Variants in SEPTIN10 observed in about 807,000 individuals in gnomAD.
The protein encoded by SEPTIN10 is septin-10.
A neutral mutation model predicts 54.8 loss-of-function variants in SEPTIN10; 66 were observed. The observed-to-expected ratio is 1.21, with a 90% CI of 0.99 to 1.48. The LOEUF is 1.48. SEPTIN10 is among the 40% of genes most tolerant of loss of function. The probability of loss-of-function intolerance (pLI) is 0.00; values close to 1 mark genes in which losing one functional copy is unlikely to be tolerated. For missense variants in SEPTIN10, 620 were observed against 545.6 expected (o/e 1.14, Z -1.36); for synonymous variants, 161 against 181.0 (o/e 0.89, Z 0.89).
intron 2 of SEPTIN10, among the ~76,000 whole-genome samples, chr2:109,588,409 CAAGT>C (rs1693095847): frequency 6.6e-6 from 1 of 151,752 alleles, no homozygotes; most frequent in Admixed American, 6.6e-5. Context: ...GTTACATGCA[CAAGT>C]AAAATGTATA....
At chr2:109,548,775 CAAAAAAAA>C (rs57096452) in intron 9 of SEPTIN10, among the ~76,000 whole-genome samples, 6 of 63,542 alleles carry the variant, frequency 9.4e-5, no homozygotes, top group African/African-American at 1.3e-4. Context: ...GGCTCCATCT[CAAAAAAAA>C]AAAAAAAAAA....
chr2:109,606,401 AAG>A (rs950966283), intron 1 of SEPTIN10, among the ~76,000 whole-genome samples: 40 of 152,280 alleles, frequency 2.6e-4, no homozygotes, highest in African/African-American at 9.4e-4. Flanking sequence ...GCGACAAAGC[AAG>A]ACTCTGTCTC....
At chr2:109,575,455 C>A (rs1573598146) in intron 4 of SEPTIN10, among the ~76,000 whole-genome samples, 1 of 152,256 alleles carries the variant, frequency 6.6e-6, no homozygotes, top group East Asian at 1.9e-4. Flanking sequence ...AAGGAAAGGC[C>A]AATTACATCC....
chr2:109,598,343 T>C (rs993968926), intron 1 of SEPTIN10, among the ~76,000 whole-genome samples: 36 of 152,014 alleles, frequency 2.4e-4, no homozygotes, highest in African/African-American at 8.0e-4. Flanking sequence ...GCTGGGATTA[T>C]AGGCGTGAGC....
intron 5 of SEPTIN10, among the ~76,000 whole-genome samples, chr2:109,571,273 A>G (rs1688316635): frequency 6.6e-6 from 1 of 152,234 alleles, no homozygotes; most frequent in African/African-American, 2.4e-5. Context: ...CTTTATAGCA[A>G]TGCGAGAACG....
At position 109,544,278 on chromosome 2, in the gene SEPTIN10, T is replaced by C; in HGVS notation, c.*31A>G. The stretch of plus-strand genomic sequence containing the variant: ...TTTTTTTAATAAAGTTTGCTTGTGA[T>C]GATGACCTTCTGTGCTCTGGAACTT... On this transcript the variant is annotated 3_prime_UTR_variant, in exon 11 of 11. Transcript: ENST00000397712. The C allele has an allele frequency of 6.2e-7, 1 of 1,613,052 alleles. No individual in the cohort carries two copies.
intron 1 of SEPTIN10, among the ~76,000 whole-genome samples, chr2:109,612,185 T>C (rs1699399907): frequency 6.6e-6 from 1 of 151,422 alleles, no homozygotes; most frequent in Non-Finnish European, 1.5e-5. Flanking sequence ...TTTGCTGAGT[T>C]GAAAAAAAAA....
chr2:109,544,826 C>T, intron 10 of SEPTIN10: 3 of 757,792 alleles, frequency 4.0e-6, no homozygotes, highest in Non-Finnish European at 4.8e-6. Context: ...GACAACTGCT[C>T]TAGGCTCTGG....
intron 9 of SEPTIN10, among the ~76,000 whole-genome samples, chr2:109,551,636 T>C (rs1682978391): frequency 6.6e-6 from 1 of 152,222 alleles, no homozygotes. Context: ...CACTTTTCTG[T>C]TGTTTGAACT....
intron 1 of SEPTIN10, among the ~76,000 whole-genome samples, chr2:109,608,875 G>A (rs1418019856): frequency 1.3e-5 from 2 of 152,156 alleles, no homozygotes; most frequent in Non-Finnish European, 2.9e-5. Flanking sequence ...AAAGCTTTGC[G>A]CATCAGGCAT....
chr2:109,548,987 G>A (rs932306728), intron 9 of SEPTIN10, among the ~76,000 whole-genome samples: 2 of 152,234 alleles, frequency 1.3e-5, no homozygotes, highest in South Asian at 2.1e-4. Context: ...AATCGATTAA[G>A]GCCCTCCTAA....
At chr2:109,545,768 C>A in intron 10 of SEPTIN10, 1 of 1,426,672 alleles carries the variant, frequency 7.0e-7, no homozygotes, top group East Asian at 2.5e-5. Flanking sequence ...GCCATTTTCC[C>A]CCAGCTAACT....
intron 2 of SEPTIN10, among the ~76,000 whole-genome samples, chr2:109,591,688 G>C (rs1334970841): frequency 6.6e-6 from 1 of 152,152 alleles, no homozygotes; most frequent in African/African-American, 2.4e-5. Context: ...CTTGAGGCCA[G>C]GAGTTCAAGA....
chr2:109,549,166 G>A (rs776232211), intron 9 of SEPTIN10, among the ~76,000 whole-genome samples: 6 of 152,216 alleles, frequency 3.9e-5, no homozygotes, highest in Non-Finnish European at 7.3e-5. Flanking sequence ...CAAACAAAGA[G>A]TGGCAGTTCT....
chr2:109,562,882 T>C (rs1477794994), intron 8 of SEPTIN10, among the ~76,000 whole-genome samples: 1 of 151,918 alleles, frequency 6.6e-6, no homozygotes, highest in Non-Finnish European at 1.5e-5. Flanking sequence ...TGCCTGAATT[T>C]GGTGAGGGTG....
chr2:109,570,027 C>CAA (rs149444058), intron 5 of SEPTIN10, among the ~76,000 whole-genome samples: 9 of 147,264 alleles, frequency 6.1e-5, no homozygotes, highest in South Asian at 2.2e-4. Flanking sequence ...ACTGCCCCTA[C>CAA]AAAAAAAAAA....
Position 109,565,768 on chromosome 2 carries a change from A to G in SEPTIN10, c.854T>C (p.Val285Ala). 1.2e-6 allele frequency: 2 copies of G among 1,613,324 alleles called. No individual in the cohort carries two copies. Among genetic ancestry groups the G allele is most frequent in the South Asian group, 2.2e-5 (2 of 91,054 alleles). ...TCATCCTTTGTCTCATTTACCTTGTACAACACCCCAAGGGTACTGGCGAGC... is the reference window on the plus strand; with the variant it reads ...TCATCCTTTGTCTCATTTACCTTGTGCAACACCCCAAGGGTACTGGCGAGC... The part of the protein sequence containing the change: ...VKARQYPWGV[V>A]QVENENHCDF... The change falls in exon 7 of 11, where the codon GTA becomes GCA. Residue 285 changes from valine (V) to alanine (A), a missense_variant. By Grantham distance (64) the Val-to-Ala change is moderately conservative. Coordinates refer to ENST00000397712, the MANE Select transcript of SEPTIN10 (RefSeq NM_144710.5).
chr2:109,545,217 C>G (rs965870236), intron 10 of SEPTIN10: 23 of 985,194 alleles, frequency 2.3e-5, no homozygotes, highest in Non-Finnish European at 2.7e-5. Flanking sequence ...AATGAGCATT[C>G]TGAATAGAAC....
intron 6 of SEPTIN10, 81 bp downstream of exon 6, chr2:109,567,734 T>C (rs1687362397): frequency 7.7e-7 from 1 of 1,291,868 alleles, no homozygotes; most frequent in Non-Finnish European, 1.0e-6. Flanking sequence ...CAAGTGAAAG[T>C]GTATTAGCAG....
Sources: allele counts gnomAD v4.1 joint callset (sites outside exome capture counted in the v4.1 genomes callset), GRCh38; gene constraint gnomAD v4.1.1; transcripts MANE v1.5; gene names NCBI Gene and HGNC (gene_info 2026-07-23, HGNC 2026-07-21).